The following PCP4 variants were observed in gnomAD, a reference collection of about 807,000 sequenced individuals.
The protein encoded by PCP4 is Purkinje cell protein 4, also known as calmodulin regulator protein PCP4.
PCP4 carries 8 observed loss-of-function variants against 10.0 expected under a neutral mutation model. The ratio of observed to expected loss-of-function variants is 0.80; its 90% CI spans 0.47 to 1.45. The LOEUF (loss-of-function observed/expected upper bound fraction) is 1.45, where lower values mean the gene tolerates loss of function less well. PCP4 is among the 40% of genes most tolerant of loss of function. The pLI is 0.00. For synonymous variants in PCP4, 21 were observed against 23.0 expected, an observed-to-expected ratio of 0.91 and a Z score of 0.24; for missense variants, 54 against 74.4, an observed-to-expected ratio of 0.73 and a Z score of 1.01.
chr21:39,867,557 GA>G lies in PCP4; in HGVS notation c.9+48del, dbSNP rs771553636. On this transcript the variant is annotated intron_variant, in intron 1 of 2. Transcript: ENST00000328619. ...AGAGGGAAACTTAGGAGTGAGAAGG[GA>G]CCTCGGCTGAAGGATTAGTCTCAGG... The G allele has an allele frequency of 3.2e-6, 5 of 1,585,876 alleles. No homozygotes were observed. In the East Asian group the frequency reaches 1.1e-4, roughly 35 times the overall value.
At chr21:39,927,361 C>A (rs59227606) in intron 2 of PCP4, among the ~76,000 whole-genome samples, 1,158 of 20,636 alleles carry the variant, frequency 0.056, 18 homozygotes, top group African/African-American at 0.12. Context: ...ATCTATCTAT[C>A]TATCTATCAT....
intron 1 of PCP4, among the ~76,000 whole-genome samples, chr21:39,889,473 G>A (rs928926075): frequency 7.6e-6 from 1 of 132,156 alleles, no homozygotes; most frequent in African/African-American, 2.9e-5. Context: ...CTGCAGTACC[G>A]TGGCACGATC....
intron 1 of PCP4, among the ~76,000 whole-genome samples, chr21:39,873,420 T>A (rs1011689171): frequency 6.6e-6 from 1 of 152,134 alleles, no homozygotes; most frequent in African/African-American, 2.4e-5. Flanking sequence ...TTAATTAAAA[T>A]AAATAATTGA....
chr21:39,924,935 T>C (rs1056790071), intron 2 of PCP4, among the ~76,000 whole-genome samples: 3 of 152,146 alleles, frequency 2.0e-5, no homozygotes, highest in African/African-American at 7.2e-5. Context: ...TTCTGCTGGG[T>C]CCCCACAGGC....
At chr21:39,898,695 A>T (rs981444956) in intron 2 of PCP4, among the ~76,000 whole-genome samples, 168 bp downstream of exon 2, 5 of 152,198 alleles carry the variant, frequency 3.3e-5, no homozygotes, top group Admixed American at 6.5e-5. Context: ...GTCTGGTTTT[A>T]TGAAGAAAAC....
intron 2 of PCP4, among the ~76,000 whole-genome samples, chr21:39,904,328 C>G (rs1048922382): frequency 1.3e-5 from 2 of 152,116 alleles, no homozygotes; most frequent in African/African-American, 2.4e-5. Flanking sequence ...CTTTCAAGAC[C>G]TACGTGCTGA....
chr21:39,921,760 C>T (rs1258286395), intron 2 of PCP4, among the ~76,000 whole-genome samples: 1 of 152,186 alleles, frequency 6.6e-6, no homozygotes, highest in Non-Finnish European at 1.5e-5. Context: ...CTGCTAACAC[C>T]TTCATCTCCA....
At chr21:39,868,599 C>A (rs2087304906) in intron 1 of PCP4, among the ~76,000 whole-genome samples, 1 of 152,212 alleles carries the variant, frequency 6.6e-6, no homozygotes, top group Admixed American at 6.5e-5. Context: ...CCTGTAACAG[C>A]AGCTAACACT....
chr21:39,923,740 G>T (rs552844157), intron 2 of PCP4, among the ~76,000 whole-genome samples: 6 of 152,184 alleles, frequency 3.9e-5, no homozygotes, highest in African/African-American at 1.4e-4. Context: ...GGAAATGATT[G>T]TACTGCAATC....
At chr21:39,892,050 C>A (rs1855914032) in intron 1 of PCP4, among the ~76,000 whole-genome samples, 1 of 152,310 alleles carries the variant, frequency 6.6e-6, no homozygotes, top group African/African-American at 2.4e-5. Flanking sequence ...TTCCCTGACT[C>A]CTCCAAGGAA....
intron 2 of PCP4, among the ~76,000 whole-genome samples, chr21:39,923,293 G>C (rs2087605770): frequency 6.6e-6 from 1 of 152,242 alleles, no homozygotes; most frequent in South Asian, 2.1e-4. Context: ...CACGTGGTCA[G>C]GCAGCCTTGA....
chr21:39,888,088 A>C (rs909277633), intron 1 of PCP4, among the ~76,000 whole-genome samples: 1 of 152,204 alleles, frequency 6.6e-6, no homozygotes, highest in Admixed American at 6.5e-5. Flanking sequence ...AACCATTAGA[A>C]GTGTTGATAT....
chr21:39,908,786 G>C (rs540747308), intron 2 of PCP4, among the ~76,000 whole-genome samples: 7 of 152,286 alleles, frequency 4.6e-5, no homozygotes, highest in Admixed American at 1.3e-4. Context: ...TGGGAGGCAG[G>C]ACTGAGGTCT....
rs1240545991 is a variant in PCP4 at position 39,927,339 on chromosome 21, G to GTCTATCTATCTA, written c.62-1626_62-1615dup. 4.1e-3 allele frequency among the ~76,000 whole-genome samples: 401 copies of GTCTATCTATCTA among 98,904 alleles called. 1 individual carries two copies. The highest frequency in any genetic ancestry group is 0.014 in the African/African-American group (375 of 27,654). The allele number at this position is 98,904 out of a possible 152,430, so 64.9% of individuals were successfully genotyped here. On this transcript the variant is annotated intron_variant, in intron 2 of 2. Coordinates refer to ENST00000328619, the MANE Select transcript of PCP4 (RefSeq NM_006198.3). The stretch of plus-strand genomic sequence containing the variant: ...CTATCTATCATCTATCTATCTATCT[G>GTCTATCTATCTA]TCTATCTATCTATCTATCTATCTAT...
intron 2 of PCP4, among the ~76,000 whole-genome samples, chr21:39,916,389 G>A (rs2087568549): frequency 6.6e-6 from 1 of 152,176 alleles, no homozygotes. Flanking sequence ...TATAGGAGGT[G>A]GTGGTGCAGA....
chr21:39,890,419 G>C (rs1568853476), intron 1 of PCP4, among the ~76,000 whole-genome samples: 1 of 152,104 alleles, frequency 6.6e-6, no homozygotes, highest in Non-Finnish European at 1.5e-5. Flanking sequence ...GCAATGGCAT[G>C]ATCTCGGTTC....
intron 1 of PCP4, among the ~76,000 whole-genome samples, chr21:39,872,882 C>T (rs1339836458): frequency 1.3e-5 from 2 of 152,060 alleles, no homozygotes; most frequent in Non-Finnish European, 2.9e-5. Context: ...CTGTGTTTGC[C>T]ATGTAAATCC....
At chr21:39,884,816 G>GAGAC (rs1247483776) in intron 1 of PCP4, among the ~76,000 whole-genome samples, 1 of 151,532 alleles carries the variant, frequency 6.6e-6, no homozygotes, top group African/African-American at 2.4e-5. Context: ...GAGAGAGAGA[G>GAGAC]AGAGAGACAG....
intron 2 of PCP4, among the ~76,000 whole-genome samples, chr21:39,919,212 G>A (rs1214468563): frequency 6.6e-6 from 1 of 152,188 alleles, no homozygotes; most frequent in Non-Finnish European, 1.5e-5. Context: ...AGTGGCCTCG[G>A]TGTGGCCGAG....
Sources: allele counts gnomAD v4.1 joint callset (sites outside exome capture counted in the v4.1 genomes callset), GRCh38; gene constraint gnomAD v4.1.1; transcripts MANE v1.5; gene names NCBI Gene and HGNC (gene_info 2026-07-23, HGNC 2026-07-21).